Variants in BNC2 observed in about 807,000 individuals in gnomAD.
The protein encoded by BNC2 is basonuclin zinc finger protein 2.
A neutral mutation model predicts 76.3 loss-of-function variants in BNC2; 20 were observed. The observed-to-expected ratio is 0.26, with a 90% CI of 0.18 to 0.38. The LOEUF (loss-of-function observed/expected upper bound fraction) is 0.38, where lower values mean the gene tolerates loss of function less well. Among genes scored for constraint, BNC2 ranks in the 10% least tolerant of loss-of-function variants. The pLI is 1.00. For synonymous variants in BNC2, 582 were observed against 514.8 expected, an observed-to-expected ratio of 1.13 and a Z score of -1.77; for missense variants, 1,382 against 1,399.8, an observed-to-expected ratio of 0.99 and a Z score of 0.20.
intron 3 of BNC2, among the ~76,000 whole-genome samples, chr9:16,629,489 C>T (rs555248425): frequency 3.9e-5 from 6 of 152,200 alleles, no homozygotes; most frequent in African/African-American, 1.4e-4. Flanking sequence ...TGATCAAGGG[C>T]AAGTACTTAG....
chr9:16,502,565 C>G (rs985246732), intron 5 of BNC2, among the ~76,000 whole-genome samples: 1 of 151,872 alleles, frequency 6.6e-6, no homozygotes, highest in African/African-American at 2.4e-5. Context: ...CCCCCTCTTA[C>G]TTCTTCTTGG....
chr9:16,783,817 T>C (rs1324086885), intron 1 of BNC2, among the ~76,000 whole-genome samples: 1 of 152,238 alleles, frequency 6.6e-6, no homozygotes, highest in Non-Finnish European at 1.5e-5. Flanking sequence ...ACTAGATCAA[T>C]CATCCCTAAC....
chr9:16,503,559 G>C (rs572561827), intron 5 of BNC2, among the ~76,000 whole-genome samples: 4 of 152,180 alleles, frequency 2.6e-5, no homozygotes, highest in African/African-American at 9.6e-5. Context: ...TTGAGAACTA[G>C]GTCTCTAATC....
At chr9:16,462,968 C>A (rs923770129) in intron 5 of BNC2, among the ~76,000 whole-genome samples, 2 of 152,158 alleles carry the variant, frequency 1.3e-5, no homozygotes, top group African/African-American at 2.4e-5. Flanking sequence ...TTCTCCAGAA[C>A]CGACCATTTC....
At chr9:16,786,283 A>G (rs10962591) in intron 1 of BNC2, among the ~76,000 whole-genome samples, 35,514 of 152,068 alleles carry the variant, frequency 0.23, 5,237 homozygotes, top group East Asian at 0.67. Flanking sequence ...TGGGAAGGAC[A>G]GTCTTAATTA....
chr9:16,791,803 T>C (rs1817517682), intron 1 of BNC2, among the ~76,000 whole-genome samples: 1 of 152,104 alleles, frequency 6.6e-6, no homozygotes, highest in African/African-American at 2.4e-5. Context: ...AAAAAGTACT[T>C]TTAAAAATTC....
Position 16,418,810 on chromosome 9 carries a change from G to A in BNC2, c.*179C>T, listed in dbSNP as rs1820644517. On this transcript the variant is annotated 3_prime_UTR_variant, in exon 7 of 7. Coordinates refer to ENST00000380672, the MANE Select transcript of BNC2 (RefSeq NM_017637.6). The stretch of plus-strand genomic sequence containing the variant: ...TGAAAAAAATTCAAAAGCACCTAGT[G>A]TTTATCTTGTTTATCTCAAGGAAAT... 3 of 708,704 alleles carry A rather than the reference G, an allele frequency of 4.2e-6. No homozygotes were observed. The highest frequency in any genetic ancestry group is 1.9e-5 in the South Asian group (1 of 54,042). The allele number at this position is 708,704 out of a possible 1,614,324, so 43.9% of individuals were successfully genotyped here.
intron 3 of BNC2, among the ~76,000 whole-genome samples, chr9:16,629,691 A>G (rs1428352445): frequency 1.3e-5 from 2 of 152,166 alleles, no homozygotes; most frequent in African/African-American, 2.4e-5. Context: ...AGTGCATATA[A>G]AATTTGTTTA....
At chr9:16,471,007 A>T (rs529824083) in intron 5 of BNC2, among the ~76,000 whole-genome samples, 1 of 152,294 alleles carries the variant, frequency 6.6e-6, no homozygotes, top group Admixed American at 6.5e-5. Context: ...ACTCAATGCC[A>T]GCCCATGAAA....
intron 5 of BNC2, among the ~76,000 whole-genome samples, chr9:16,439,860 C>G (rs888551520): frequency 9.2e-5 from 14 of 152,080 alleles, no homozygotes; most frequent in Admixed American, 8.5e-4. Flanking sequence ...CACAGATGTC[C>G]CTCCTTCATC....
intron 1 of BNC2, among the ~76,000 whole-genome samples, chr9:16,816,538 AC>A (rs1818187023): frequency 6.6e-6 from 1 of 152,226 alleles, no homozygotes; most frequent in Non-Finnish European, 1.5e-5. Flanking sequence ...ACAAAGTATA[AC>A]AATGACAGCA....
At chr9:16,755,336 TG>T (rs1351391993) in intron 1 of BNC2, among the ~76,000 whole-genome samples, 1 of 151,978 alleles carries the variant, frequency 6.6e-6, no homozygotes, top group Non-Finnish European at 1.5e-5. Flanking sequence ...AAGGAGGCTG[TG>T]GGGGGACACC....
At chr9:16,495,951 C>T (rs1822380066) in intron 5 of BNC2, among the ~76,000 whole-genome samples, 1 of 150,536 alleles carries the variant, frequency 6.6e-6, no homozygotes, top group South Asian at 2.1e-4. Flanking sequence ...TCTTGTTGCC[C>T]AGGCTGAAAT....
intron 6 of BNC2, chr9:16,430,088 AG>A: frequency 2.2e-6 from 1 of 456,492 alleles, no homozygotes; most frequent in South Asian, 1.6e-5. Context: ...GCAATTACTC[AG>A]GAGGGGGATG....
At chr9:16,606,368 T>C (rs1400744780) in intron 3 of BNC2, among the ~76,000 whole-genome samples, 1 of 152,210 alleles carries the variant, frequency 6.6e-6, no homozygotes, top group Non-Finnish European at 1.5e-5. Context: ...TATTAATTTA[T>C]TTATATGGTT....
chr9:16,847,358 A>G (rs975116669), intron 1 of BNC2, among the ~76,000 whole-genome samples: 6 of 126,832 alleles, frequency 4.7e-5, no homozygotes, highest in African/African-American at 1.8e-4. Context: ...CACTTTAAGT[A>G]TATTTTGATT....
At chr9:16,468,812 C>T (rs981024239) in intron 5 of BNC2, among the ~76,000 whole-genome samples, 2 of 152,144 alleles carry the variant, frequency 1.3e-5, no homozygotes, top group Non-Finnish European at 2.9e-5. Flanking sequence ...TAACAGAAGG[C>T]AGAGGAGGTA....
In BNC2 at chr9:16,436,323, C is replaced by G. The variant is rs780677421; in HGVS notation, c.1871G>C (p.Ser624Thr). The G allele has an allele frequency of 1.5e-5, 25 of 1,614,152 alleles. No individual in the cohort carries two copies. The East Asian group carries it at 4.0e-4, about 26-fold the overall frequency. Residue 624 changes from serine (S) to threonine (T), a missense_variant, in exon 6 of 7, where the codon AGT (serine) becomes ACT (threonine). This residue lies in a region of BNC2 where 798 missense variants were observed against 775.5 expected (regional missense o/e 1.03). Coordinates refer to ENST00000380672, the MANE Select transcript of BNC2 (RefSeq NM_017637.6). ...CTTTTTCTTGGGTGCCAGGTCAGCA[C>G]TGGGCTCATGGGTGGCCATCATCAC... ...PAVMMATHEP[S>T]ADLAPKKKPR...
chr9:16,618,697 A>G (rs534414434), intron 3 of BNC2, among the ~76,000 whole-genome samples: 6 of 152,214 alleles, frequency 3.9e-5, no homozygotes, highest in South Asian at 2.1e-4. Context: ...TCCTTTCCAC[A>G]TGAGCCTTGA....
Sources: gnomAD v4.1 joint callset for allele counts (sites outside exome capture counted in the v4.1 genomes callset) on GRCh38, gnomAD v4.1.1 for gene constraint, gnomAD v4.1.1 regional missense constraint, MANE v1.5 for transcripts, NCBI Gene and HGNC (gene_info 2026-07-23, HGNC 2026-07-21) for gene names.